Variants in INSL6 observed in about 807,000 individuals in gnomAD.
INSL6 encodes insulin like 6.
A neutral mutation model predicts 9.4 loss-of-function variants in INSL6; 16 were observed. The observed-to-expected ratio is 1.70, with a 90% CI of 1.15 to 2.59. The LOEUF (loss-of-function observed/expected upper bound fraction) is 2.59. Among genes scored for constraint, INSL6 ranks in the 30% most tolerant of loss-of-function variants. INSL6 has a pLI of 0.00. For missense variants in INSL6, 391 were observed against 257.3 expected (o/e 1.52, Z -3.56); for synonymous variants, 154 against 96.9 (o/e 1.59, Z -3.46).
intron 2 of INSL6, among the ~76,000 whole-genome samples, chr9:5,150,297 A>G (rs2130894246): frequency 6.6e-6 from 1 of 152,278 alleles, no homozygotes; most frequent in Admixed American, 6.5e-5. Context: ...GAAATAATCA[A>G]CAAACATACA....
At chr9:5,018,995 T>G in the INSL6 span, among the ~76,000 whole-genome samples, 3 of 152,226 alleles carry the variant, frequency 2.0e-5, no homozygotes, top group African/African-American at 2.4e-5. Flanking sequence ...CTCTTTGTCT[T>G]TGACAAACTG....
At chr9:5,057,290 T>C in the INSL6 span, among the ~76,000 whole-genome samples, 1 of 152,116 alleles carries the variant, frequency 6.6e-6, no homozygotes, top group African/African-American at 2.4e-5. Context: ...TAATTTTTGC[T>C]TATTATTGCA....
the INSL6 span, among the ~76,000 whole-genome samples, chr9:4,996,568 G>A: frequency 6.6e-6 from 1 of 150,756 alleles, no homozygotes; most frequent in Non-Finnish European, 1.5e-5. Context: ...AGATTTTTTG[G>A]TTTTTTTGAG....
the INSL6 span, among the ~76,000 whole-genome samples, chr9:5,070,773 G>T: frequency 2.0e-5 from 3 of 151,876 alleles, no homozygotes; most frequent in East Asian, 5.8e-4. Context: ...CTGTTCAAGG[G>T]TCAACTGTAG....
the INSL6 span, among the ~76,000 whole-genome samples, chr9:5,063,881 GGC>G: frequency 2.0e-5 from 3 of 152,206 alleles, no homozygotes; most frequent in Non-Finnish European, 4.4e-5. Context: ...AATCAGGCCG[GGC>G]ATGGTGACTC....
At chr9:5,045,590 C>G in the INSL6 span, among the ~76,000 whole-genome samples, 13,864 of 152,088 alleles carry the variant, frequency 0.091, 1,898 homozygotes, top group African/African-American at 0.3. Context: ...CTCCCAATGG[C>G]CTTTTGCAAT....
At chr9:5,030,840 T>G in the INSL6 span, among the ~76,000 whole-genome samples, 1 of 152,098 alleles carries the variant, frequency 6.6e-6, no homozygotes, top group Non-Finnish European at 1.5e-5. Context: ...TAATTTGCAC[T>G]GAGTTCAAAA....
the INSL6 span, chr9:5,022,321 G>T: frequency 4.5e-6 from 3 of 672,572 alleles, no homozygotes; most frequent in African/African-American, 1.8e-5. Flanking sequence ...TTTAATGCTT[G>T]TATGGCTGGC....
At chr9:5,052,643 C>G in the INSL6 span, among the ~76,000 whole-genome samples, 1 of 152,174 alleles carries the variant, frequency 6.6e-6, no homozygotes, top group East Asian at 1.9e-4. Context: ...AGCATTCAGT[C>G]CTCATCCCAC....
intron 1 of INSL6, among the ~76,000 whole-genome samples, chr9:5,178,111 G>C (rs1435733597): frequency 6.6e-6 from 1 of 152,196 alleles, no homozygotes; most frequent in Non-Finnish European, 1.5e-5. Context: ...CTGATGTCAA[G>C]TGATCCACCC....
At chr9:5,004,902 G>A in the INSL6 span, among the ~76,000 whole-genome samples, 1 of 149,900 alleles carries the variant, frequency 6.7e-6, no homozygotes, top group Non-Finnish European at 1.5e-5. Context: ...GAACATGTTG[G>A]CCATTTACAT....
At chr9:5,080,750 C>A in the INSL6 span, 2 of 1,227,094 alleles carry the variant, frequency 1.6e-6, no homozygotes, top group Admixed American at 5.4e-5. Context: ...TGAATCATTA[C>A]TAATTTTTAA....
the INSL6 span, among the ~76,000 whole-genome samples, chr9:5,026,947 G>C: frequency 3.9e-5 from 6 of 152,128 alleles, no homozygotes; most frequent in African/African-American, 1.2e-4. Flanking sequence ...AATTATTAAT[G>C]TATTGTGTAA....
At chr9:5,149,993 G>A (rs1824679830) in intron 2 of INSL6, among the ~76,000 whole-genome samples, 1 of 152,140 alleles carries the variant, frequency 6.6e-6, no homozygotes, top group Non-Finnish European at 1.5e-5. Context: ...GCATACAATG[G>A]GGAAAGATCA....
At chr9:5,045,328 C>T in the INSL6 span, among the ~76,000 whole-genome samples, 1 of 151,874 alleles carries the variant, frequency 6.6e-6, no homozygotes, top group African/African-American at 2.4e-5. Flanking sequence ...GCCTAGTAAG[C>T]CTAGTTCAGT....
chr9:5,023,357 A>T, the INSL6 span, among the ~76,000 whole-genome samples: 12 of 152,164 alleles, frequency 7.9e-5, no homozygotes, highest in East Asian at 2.3e-3. Flanking sequence ...TTACGATGCC[A>T]CTGGGCCCCA....
intron 2 of INSL6, among the ~76,000 whole-genome samples, chr9:5,140,964 T>C (rs1433404351): frequency 6.6e-6 from 1 of 152,124 alleles, no homozygotes; most frequent in Non-Finnish European, 1.5e-5. Flanking sequence ...ATGCGGTATA[T>C]GGTTTTCTGC....
At chr9:5,127,809 CTG>C (rs896594503) in intron 3 of INSL6, 26 of 232,452 alleles carry the variant, frequency 1.1e-4, no homozygotes, top group African/African-American at 5.5e-4. Flanking sequence ...TTCCTAAAGA[CTG>C]TATATTTGAG....
chr9:5,038,268 A>T, the INSL6 span, among the ~76,000 whole-genome samples: 1 of 152,212 alleles, frequency 6.6e-6, no homozygotes, highest in African/African-American at 2.4e-5. Flanking sequence ...AAGTTTGAAT[A>T]GGTCTATGAC....
Sources: gnomAD v4.1 joint callset for allele counts (sites outside exome capture counted in the v4.1 genomes callset) on GRCh38, gnomAD v4.1.1 for gene constraint, MANE v1.5 for transcripts, NCBI Gene and HGNC (gene_info 2026-07-23, HGNC 2026-07-21) for gene names.